PREX2: variants seen among roughly 807,000 people sequenced by gnomAD.
PREX2 encodes the protein phosphatidylinositol-3,4,5-trisphosphate dependent Rac exchange factor 2, also known as phosphatidylinositol 3,4,5-trisphosphate-dependent Rac exchanger 2 protein.
PREX2 carries 107 observed loss-of-function variants against 203.2 expected under a neutral mutation model. The observed-to-expected ratio is 0.53, with a 90% CI of 0.45 to 0.62. The LOEUF (loss-of-function observed/expected upper bound fraction) is 0.62, where lower values mean the gene tolerates loss of function less well. Among genes scored for constraint, PREX2 ranks in the 20% least tolerant of loss-of-function variants. The probability of loss-of-function intolerance (pLI) is 0.00; values close to 1 mark genes in which losing one functional copy is unlikely to be tolerated. For synonymous variants in PREX2, 672 were observed against 663.6 expected, an observed-to-expected ratio of 1.01 and a Z score of -0.19; for missense variants, 1,777 against 1,955.9, an observed-to-expected ratio of 0.91 and a Z score of 1.72.
rs1192583427 is a variant in PREX2, at chr8:68,204,678, C to CTTTTTT, written c.4604+12172_4604+12177dup. On this transcript the variant is annotated intron_variant, in intron 37 of 39. Transcript: ENST00000288368. ...TTCTTTTCTTTTTTCTTTCTTCTTT[C>CTTTTTT]TTTTTTTTTTTTTTTTTTTTTTTTG... 3.4e-3 allele frequency among the ~76,000 whole-genome samples: 287 copies of CTTTTTT among 83,390 alleles called. 2 individuals are homozygous for CTTTTTT. Among genetic ancestry groups the CTTTTTT allele is most frequent in the African/African-American group, 8.4e-3 (165 of 19,630 alleles). The allele number at this position is 83,390 out of a possible 152,430, so 54.7% of individuals were successfully genotyped here.
chr8:68,187,341 TA>T (rs762933084), intron 35 of PREX2, among the ~76,000 whole-genome samples: 3 of 152,186 alleles, frequency 2.0e-5, no homozygotes, highest in Non-Finnish European at 4.4e-5. Flanking sequence ...ACATGTGTCA[TA>T]AAATATTTTA....
intron 30 of PREX2, among the ~76,000 whole-genome samples, chr8:68,122,559 A>G (rs907667471): frequency 1.3e-5 from 2 of 152,064 alleles, no homozygotes. Context: ...ACTACTAGAA[A>G]CTATAATTCT....
chr8:68,150,147 C>A (rs1811404751), intron 34 of PREX2, among the ~76,000 whole-genome samples: 1 of 152,338 alleles, frequency 6.6e-6, no homozygotes, highest in South Asian at 2.1e-4. Flanking sequence ...AGGATCTGAG[C>A]CAGTGGCTCT....
At chr8:68,199,895 T>C (rs1350595647) in intron 37 of PREX2, among the ~76,000 whole-genome samples, 1 of 152,176 alleles carries the variant, frequency 6.6e-6, no homozygotes, top group Non-Finnish European at 1.5e-5. Context: ...AGAGTTCCCA[T>C]AGGGCAGACG....
chr8:68,055,668 C>T (rs954957527), intron 9 of PREX2, among the ~76,000 whole-genome samples, 162 bp from the exon 10 acceptor site: 1 of 152,100 alleles, frequency 6.6e-6, no homozygotes, highest in Admixed American at 6.6e-5. Context: ...TCTCCCTAGC[C>T]CCTGAGCTTC....
chr8:67,955,551 G>T (rs905130018), intron 1 of PREX2, among the ~76,000 whole-genome samples: 30 of 152,122 alleles, frequency 2.0e-4, no homozygotes, highest in Non-Finnish European at 2.9e-4. Context: ...TCCTTGCTTT[G>T]TATCCACTCT....
chr8:68,062,259 T>C (rs1464279480), intron 11 of PREX2, among the ~76,000 whole-genome samples: 1 of 152,198 alleles, frequency 6.6e-6, no homozygotes, highest in African/African-American at 2.4e-5. Flanking sequence ...CTTCCACTTT[T>C]GTTCTCCACT....
At chr8:68,068,518 T>G (rs1181094718) in intron 11 of PREX2, among the ~76,000 whole-genome samples, 3 of 152,050 alleles carry the variant, frequency 2.0e-5, no homozygotes, top group Admixed American at 6.6e-5. Context: ...ACAGGATAAG[T>G]GGTCAAGATT....
chr8:68,215,914 A>T (rs1812829080), intron 37 of PREX2, among the ~76,000 whole-genome samples: 1 of 152,192 alleles, frequency 6.6e-6, no homozygotes, highest in Admixed American at 6.5e-5. Context: ...TGCAGCTTGC[A>T]TGTACATGTA....
chr8:67,968,177 T>C (rs1347728312), intron 1 of PREX2, among the ~76,000 whole-genome samples: 2 of 152,052 alleles, frequency 1.3e-5, no homozygotes, highest in Non-Finnish European at 2.9e-5. Context: ...TGTGGACAGC[T>C]GGAAGAGGCC....
intron 7 of PREX2, among the ~76,000 whole-genome samples, chr8:68,040,143 C>T (rs927832221): frequency 6.6e-6 from 1 of 152,036 alleles, no homozygotes; most frequent in African/African-American, 2.4e-5. Flanking sequence ...ATTTTCCTGC[C>T]TCAGGCTCCC....
intron 9 of PREX2, 145 bp downstream of exon 9, chr8:68,053,391 A>G: frequency 1.2e-6 from 1 of 820,264 alleles, no homozygotes; most frequent in Non-Finnish European, 1.9e-6. Flanking sequence ...TGCAGTTTTG[A>G]CATTGAAAGC....
chr8:68,017,819 T>A, intron 1 of PREX2, 27 bp from the exon 2 acceptor site: 1 of 1,594,284 alleles, frequency 6.3e-7, no homozygotes, highest in Non-Finnish European at 8.6e-7. Flanking sequence ...TAATGTTACC[T>A]TCATAATGTC....
chr8:68,102,210 C>A (rs578125754), intron 23 of PREX2, among the ~76,000 whole-genome samples: 1 of 152,118 alleles, frequency 6.6e-6, no homozygotes, highest in Non-Finnish European at 1.5e-5. Context: ...CCTCTTTCTT[C>A]GGGAGATTAA....
intron 1 of PREX2, among the ~76,000 whole-genome samples, chr8:67,965,166 C>T (rs1490806757): frequency 6.6e-6 from 1 of 152,172 alleles, no homozygotes; most frequent in Non-Finnish European, 1.5e-5. Flanking sequence ...GGCAAGCACT[C>T]AGGAGCCAAA....
chr8:68,232,979 A>G lies in PREX2; in HGVS notation c.*1601A>G, dbSNP rs1219897558. On this transcript the variant is annotated 3_prime_UTR_variant, in exon 40 of 40. Transcript: ENST00000288368. ...TTTTCAAACTATTATTAAAACCTTT[A>G]TCATTAACCATTATGTATTGAATAA... 1 of 152,212 alleles carries G rather than the reference A, an allele frequency of 6.6e-6. No homozygotes were observed. Among genetic ancestry groups the G allele is most frequent in the Non-Finnish European group, 1.5e-5 (1 of 68,038 alleles). 9.4% of individuals were successfully genotyped at this position (152,212 alleles called of 1,614,324 possible). A position where few individuals can be genotyped will look rare whatever the true frequency, so the allele number is the denominator to read the frequency against.
intron 39 of PREX2, among the ~76,000 whole-genome samples, chr8:68,229,740 C>T (rs1432700301): frequency 2.0e-5 from 3 of 152,206 alleles, no homozygotes; most frequent in Admixed American, 1.3e-4. Context: ...GCAGGACATT[C>T]GCCACCCATC....
chr8:68,053,312 T>C, intron 9 of PREX2, 66 bp downstream of exon 9: 1 of 1,513,410 alleles, frequency 6.6e-7, no homozygotes, highest in African/African-American at 1.4e-5. Context: ...GAGCAGATAA[T>C]GGGAAAACAT....
rs145232429 is a variant in PREX2 at position 68,134,610 on chromosome 8, C to T, written c.3984+334C>T. ...TCTGCTGCTGTTCCTTATTCCCAGT[C>T]GAAGGACACAGGCTGCTGTGAAACC... On this transcript the variant is annotated intron_variant, in intron 32 of 39. Transcript: ENST00000288368. 2.1e-3 allele frequency among the ~76,000 whole-genome samples: 317 copies of T among 152,248 alleles called. 3 individuals carry two copies. Among genetic ancestry groups the T allele is most frequent in the South Asian group, 7.1e-3 (34 of 4,818 alleles).
Sources: gnomAD v4.1 joint callset for allele counts (sites outside exome capture counted in the v4.1 genomes callset) on GRCh38, gnomAD v4.1.1 for gene constraint, MANE v1.5 for transcripts, NCBI Gene and HGNC (gene_info 2026-07-23, HGNC 2026-07-21) for gene names.